PKNOX2: variants seen among roughly 807,000 people sequenced by gnomAD.
PKNOX2 encodes the protein homeobox protein PKNOX2.
PKNOX2 carries 14 observed loss-of-function variants against 53.1 expected under a neutral mutation model. That is an observed-to-expected ratio of 0.26 (90% CI 0.17 to 0.41). The LOEUF (loss-of-function observed/expected upper bound fraction) is 0.41, where lower values mean the gene tolerates loss of function less well. Ranked by LOEUF, PKNOX2 falls within the 10% of genes least tolerant of loss-of-function variation. The probability of loss-of-function intolerance (pLI) is 1.00; values close to 1 mark genes in which losing one functional copy is unlikely to be tolerated. For synonymous variants in PKNOX2, 257 were observed against 242.8 expected (o/e 1.06, Z -0.54); for missense variants, 496 against 602.8 (o/e 0.82, Z 1.85).
intron 2 of PKNOX2, among the ~76,000 whole-genome samples, chr11:125,303,816 G>A (rs1225610640): frequency 6.6e-6 from 1 of 152,198 alleles, no homozygotes; most frequent in African/African-American, 2.4e-5. Context: ...GTCGTCTAAG[G>A]GGAGAGACAG....
intron 2 of PKNOX2, among the ~76,000 whole-genome samples, chr11:125,292,851 C>T (rs1474429434): frequency 6.6e-6 from 1 of 152,190 alleles, no homozygotes; most frequent in Non-Finnish European, 1.5e-5. Flanking sequence ...TGGAGATATT[C>T]ATCCCCTCTT....
Position 125,410,176 on chromosome 11 carries a change from C to T in PKNOX2, c.589-20C>T, listed in dbSNP as rs1955416920. The T allele has an allele frequency of 1.2e-6, 2 of 1,612,608 alleles. No homozygotes were observed. Among genetic ancestry groups the T allele is most frequent in the African/African-American group, 1.3e-5 (1 of 74,920 alleles). On this transcript the variant is annotated intron_variant, in intron 7 of 12. Coordinates refer to ENST00000298282, the MANE Select transcript of PKNOX2 (RefSeq NM_001382323.2). The stretch of plus-strand genomic sequence containing the variant: ...AGCTCTCAGTGTCATTGTCACAAAC[C>T]ACGCCTCCCTCACTGCCAGGACCTC...
rs186038951 is a variant in PKNOX2 at position 125,393,927 on chromosome 11, G to C, written c.400-3947G>C. On this transcript the variant is annotated intron_variant, in intron 6 of 12. Transcript: ENST00000298282. ...ATATTGAAAGACAAGGCACACGGGTGGGGGGTGGGGCAACCTGGCTTCATA... is the reference window on the plus strand; with the variant it reads ...ATATTGAAAGACAAGGCACACGGGTCGGGGGTGGGGCAACCTGGCTTCATA... Among the ~76,000 whole-genome samples, 43 of 132,094 alleles carry C rather than the reference G, an allele frequency of 3.3e-4. No homozygotes were observed. The East Asian group carries it at 4.8e-3, about 15-fold the overall frequency. 86.7% of individuals were successfully genotyped at this position (132,094 alleles called of 152,430 possible).
At chr11:125,321,468 A>AT in intron 2 of PKNOX2, among the ~76,000 whole-genome samples, 1 of 152,350 alleles carries the variant, frequency 6.6e-6, no homozygotes, top group East Asian at 1.9e-4. Flanking sequence ...TGCTATGTAA[A>AT]TAGTTGTCCT....
chr11:125,367,193 G>T (rs957781775), intron 4 of PKNOX2, among the ~76,000 whole-genome samples: 1 of 152,232 alleles, frequency 6.6e-6, no homozygotes, highest in Non-Finnish European at 1.5e-5. Context: ...GAGTTGCTCT[G>T]GTTGGTACAA....
At chr11:125,258,136 C>T (rs762302330) in intron 2 of PKNOX2, among the ~76,000 whole-genome samples, 3 of 152,120 alleles carry the variant, frequency 2.0e-5, no homozygotes, top group South Asian at 2.1e-4. Flanking sequence ...AGCTTTCTTC[C>T]GCCACACCCA....
At chr11:125,295,528 C>T (rs1947600809) in intron 2 of PKNOX2, among the ~76,000 whole-genome samples, 1 of 152,212 alleles carries the variant, frequency 6.6e-6, no homozygotes, top group Admixed American at 6.5e-5. Context: ...CAGGAGCGGC[C>T]TTTGCTGGAT....
At chr11:125,167,625 T>C (rs968528768) in intron 1 of PKNOX2, among the ~76,000 whole-genome samples, 3 of 152,238 alleles carry the variant, frequency 2.0e-5, no homozygotes, top group Non-Finnish European at 4.4e-5. Context: ...TCGTGCGAAT[T>C]GCACTGAAGT....
rs961558629 is a variant in PKNOX2, at chr11:125,166,620, G to A, written c.-201+1844G>A. Among the ~76,000 whole-genome samples the A allele has an allele frequency of 1.3e-5, 2 of 152,264 alleles. No individual in the cohort carries two copies. The highest frequency in any genetic ancestry group is 1.3e-4 in the Admixed American group (2 of 15,310). ...GGGGCCGCGGCCTGCGATGAAGGCC[G>A]GGGGGCAGCGCTAGCAGCGAGGTGC... On this transcript the variant is annotated intron_variant, in intron 1 of 12. Coordinates refer to ENST00000298282, the MANE Select transcript of PKNOX2 (RefSeq NM_001382323.2). This position sits in a 1 kb window ranked among gnomAD's most constrained non-coding sequence, Gnocchi z 4.0.
chr11:125,333,549 T>TACACACACAC (rs57352759), intron 3 of PKNOX2, among the ~76,000 whole-genome samples: 1,771 of 142,310 alleles, frequency 0.012, 24 homozygotes, highest in African/African-American at 0.024. Flanking sequence ...CACACACACA[T>TACACACACAC]ACACACACAC....
intron 3 of PKNOX2, among the ~76,000 whole-genome samples, chr11:125,348,751 C>G (rs1951131385): frequency 6.6e-6 from 1 of 152,254 alleles, no homozygotes; most frequent in African/African-American, 2.4e-5. Flanking sequence ...TGAAAGGCGC[C>G]TCTCTGTAGC....
chr11:125,389,771 G>C (rs543152855), intron 6 of PKNOX2, among the ~76,000 whole-genome samples: 18 of 152,286 alleles, frequency 1.2e-4, no homozygotes, highest in Non-Finnish European at 2.6e-4. Context: ...TAAAACGTAC[G>C]GTTTCAGTTT....
intron 10 of PKNOX2, among the ~76,000 whole-genome samples, chr11:125,428,186 G>T (rs1296629621): frequency 6.6e-6 from 1 of 152,146 alleles, no homozygotes; most frequent in Non-Finnish European, 1.5e-5. Context: ...GGAGACAGAT[G>T]CGTAGTCAGT....
chr11:125,176,702 GGA>G (rs1302447558), intron 1 of PKNOX2, among the ~76,000 whole-genome samples: 4 of 152,194 alleles, frequency 2.6e-5, no homozygotes, highest in African/African-American at 4.8e-5. Context: ...CCCTTTCTGG[GGA>G]GAGAGTTGAC....
chr11:125,309,674 G>A (rs539719967), intron 2 of PKNOX2, among the ~76,000 whole-genome samples: 9 of 152,040 alleles, frequency 5.9e-5, no homozygotes, highest in Non-Finnish European at 8.8e-5. Context: ...AGGCGTGAGC[G>A]ACTGTGCCCG....
At chr11:125,290,337 G>C (rs1947229933) in intron 2 of PKNOX2, among the ~76,000 whole-genome samples, 1 of 152,210 alleles carries the variant, frequency 6.6e-6, no homozygotes, top group South Asian at 2.1e-4. Flanking sequence ...TGTGCTTTTG[G>C]GGAAATGGAG....
intron 1 of PKNOX2, among the ~76,000 whole-genome samples, chr11:125,183,746 T>C (rs1956289728): frequency 6.6e-6 from 1 of 152,186 alleles, no homozygotes; most frequent in African/African-American, 2.4e-5. Context: ...AGATGATTTT[T>C]TTCAGAGAGA....
chr11:125,381,253 T>G (rs1476078421), intron 5 of PKNOX2, among the ~76,000 whole-genome samples: 1 of 151,908 alleles, frequency 6.6e-6, no homozygotes, highest in Non-Finnish European at 1.5e-5. Context: ...GCAACAGGGC[T>G]CTGGGATGGG....
intron 1 of PKNOX2, among the ~76,000 whole-genome samples, chr11:125,192,788 T>C (rs1162752240): frequency 6.6e-6 from 1 of 152,204 alleles, no homozygotes; most frequent in Non-Finnish European, 1.5e-5. Context: ...AAAGGACATC[T>C]GGGTGGCACA....
Sources: gnomAD v4.1 joint callset for allele counts (sites outside exome capture counted in the v4.1 genomes callset) on GRCh38, gnomAD v4.1.1 for gene constraint, Gnocchi (gnomAD v3.1) non-coding constraint, MANE v1.5 for transcripts, NCBI Gene and HGNC (gene_info 2026-07-23, HGNC 2026-07-21) for gene names.